The following PRSS23 variants were observed in gnomAD, a reference collection of about 807,000 sequenced individuals.
The protein encoded by PRSS23 is serine protease 23.
PRSS23 carries 25 observed loss-of-function variants against 34.7 expected under a neutral mutation model. That is an observed-to-expected ratio of 0.72 (90% CI 0.53 to 1.01). The LOEUF (loss-of-function observed/expected upper bound fraction) is 1.01. Ranked by LOEUF, PRSS23 falls within the 50% of genes least tolerant of loss-of-function variation. The probability of loss-of-function intolerance (pLI) is 0.00; values close to 1 mark genes in which losing one functional copy is unlikely to be tolerated. For missense variants in PRSS23, 445 were observed against 475.6 expected (o/e 0.94, Z 0.60); for synonymous variants, 176 against 186.6 (o/e 0.94, Z 0.46).
chr11:86,854,227 C>G (rs1215287634), intron 2 of PRSS23, among the ~76,000 whole-genome samples: 1 of 152,114 alleles, frequency 6.6e-6, no homozygotes, highest in East Asian at 1.9e-4. Context: ...GTCTTGATCA[C>G]CTGACCTCGT....
chr11:86,899,042 G>C (rs764545466), intron 2 of PRSS23, among the ~76,000 whole-genome samples: 1 of 152,088 alleles, frequency 6.6e-6, no homozygotes, highest in African/African-American at 2.4e-5. Flanking sequence ...CAGCTGACCT[G>C]CCACCATGTT....
At chr11:86,902,638 G>GT (rs1306715765) in intron 2 of PRSS23, among the ~76,000 whole-genome samples, 2 of 152,150 alleles carry the variant, frequency 1.3e-5, no homozygotes, top group African/African-American at 4.8e-5. Flanking sequence ...GAAAAGATTA[G>GT]TGTACATGAT....
chr11:86,904,289 G>A (rs769278961), intron 2 of PRSS23, among the ~76,000 whole-genome samples: 54 of 151,870 alleles, frequency 3.6e-4, no homozygotes, highest in Non-Finnish European at 6.3e-4. Context: ...TTTTAGTCCT[G>A]CCCCACCTAG....
At chr11:86,832,618 C>A in intron 2 of PRSS23, 1 of 493,248 alleles carries the variant, frequency 2.0e-6, no homozygotes, top group South Asian at 1.5e-5. Flanking sequence ...GGGTGATCAC[C>A]GTGTACATCA....
chr11:86,800,819 G>T (rs1264248466), intron 1 of PRSS23, among the ~76,000 whole-genome samples, 168 bp downstream of exon 1: 1 of 152,186 alleles, frequency 6.6e-6, no homozygotes, highest in Non-Finnish European at 1.5e-5. Flanking sequence ...CACGGGCTGG[G>T]GGCCTGAAGG....
exon 3 of PRSS23, chr11:86,951,583 C>G (rs1197744352): frequency 1.9e-6 from 3 of 1,614,074 alleles, no homozygotes; most frequent in African/African-American, 1.3e-5. Context: ...GGGGAGCCAC[C>G]ACGAACCCGG....
At chr11:86,801,440 G>A (rs942709428) in intron 1 of PRSS23, among the ~76,000 whole-genome samples, 11 of 152,190 alleles carry the variant, frequency 7.2e-5, no homozygotes, top group African/African-American at 2.4e-4. Flanking sequence ...AATCCTGTTT[G>A]TTTTACTGCC....
At chr11:86,938,575 A>G (rs546161727) in intron 2 of PRSS23, among the ~76,000 whole-genome samples, 85 of 152,188 alleles carry the variant, frequency 5.6e-4, no homozygotes, top group Non-Finnish European at 1.1e-3. Flanking sequence ...TGTGGCTGGA[A>G]GAGAGGGGAA....
intron 2 of PRSS23, among the ~76,000 whole-genome samples, chr11:86,848,806 G>C (rs1037442917): frequency 2.6e-5 from 4 of 152,188 alleles, no homozygotes; most frequent in African/African-American, 9.7e-5. Flanking sequence ...GAGAAAGGCT[G>C]CAGCCTTAGT....
chr11:86,819,228 A>G (rs969962523), intron 1 of PRSS23, among the ~76,000 whole-genome samples: 2 of 152,196 alleles, frequency 1.3e-5, no homozygotes, highest in Non-Finnish European at 2.9e-5. Context: ...GTAGAAAGCC[A>G]GCGAGAGACC....
intron 2 of PRSS23, among the ~76,000 whole-genome samples, chr11:86,851,815 C>T (rs1206587658): frequency 6.6e-6 from 1 of 152,156 alleles, no homozygotes; most frequent in Non-Finnish European, 1.5e-5. Flanking sequence ...TCCTCATCAT[C>T]ACCTTCATAA....
chr11:86,838,342 C>G (rs1457184533), intron 2 of PRSS23, among the ~76,000 whole-genome samples: 1 of 152,170 alleles, frequency 6.6e-6, no homozygotes, highest in Non-Finnish European at 1.5e-5. Context: ...GTGCCACAGC[C>G]ACGGAGACTT....
At chr11:86,835,563 T>A (rs1419991184) in intron 2 of PRSS23, among the ~76,000 whole-genome samples, 4 of 152,180 alleles carry the variant, frequency 2.6e-5, no homozygotes, top group African/African-American at 9.7e-5. Context: ...CCTTAATTAG[T>A]GTATATAATG....
intron 2 of PRSS23, chr11:86,925,108 T>G (rs1411738179): frequency 6.6e-6 from 1 of 152,232 alleles, no homozygotes; most frequent in East Asian, 1.9e-4. Context: ...CATGTTGCAT[T>G]TCTCTTAAAA....
chr11:86,825,047 A>T (rs1948288249), intron 2 of PRSS23, among the ~76,000 whole-genome samples: 1 of 152,142 alleles, frequency 6.6e-6, no homozygotes. Context: ...TCCCTGAGGA[A>T]TCGCCACACT....
Position 86,832,155 on chromosome 11 carries a change from C to G in PRSS23, c.206+8562C>G, listed in dbSNP as rs549029837. Among the ~76,000 whole-genome samples, 5 of 152,104 alleles carry G rather than the reference C, an allele frequency of 3.3e-5. 1 individual carries two copies. Among genetic ancestry groups the G allele is most frequent in the Middle Eastern group, 6.8e-3 (2 of 294 alleles). ...TATTACTGGTGGTGTTCACCATGTG[C>G]GTACACCCCCAGTGATGTCATTCAT... On this transcript the variant is annotated intron_variant, in intron 2 of 2. Coordinates refer to the PRSS23 transcript ENST00000533902.
intron 1 of PRSS23, among the ~76,000 whole-genome samples, chr11:86,803,921 C>T (rs1352680754): frequency 6.6e-6 from 1 of 152,122 alleles, no homozygotes; most frequent in Non-Finnish European, 1.5e-5. Flanking sequence ...TTTTCCTTTT[C>T]CTTTCCCCCT....
chr11:86,907,213 T>C (rs1948949181), intron 2 of PRSS23, among the ~76,000 whole-genome samples: 1 of 152,198 alleles, frequency 6.6e-6, no homozygotes, highest in Non-Finnish European at 1.5e-5. Flanking sequence ...TTTTGTTATA[T>C]AGATTGACTG....
intron 2 of PRSS23, among the ~76,000 whole-genome samples, chr11:86,941,818 T>C (rs957551809): frequency 6.6e-6 from 1 of 152,226 alleles, no homozygotes; most frequent in Non-Finnish European, 1.5e-5. Context: ...CCTGCCAACC[T>C]GATGGCTCTT....
Sources: allele counts gnomAD v4.1 joint callset (sites outside exome capture counted in the v4.1 genomes callset), GRCh38; gene constraint gnomAD v4.1.1; transcripts MANE v1.5; gene names NCBI Gene and HGNC (gene_info 2026-07-23, HGNC 2026-07-21).